The following IDE variants were observed in gnomAD, a reference collection of about 807,000 sequenced individuals.
IDE encodes insulin-degrading enzyme.
IDE carries 58 observed loss-of-function variants against 133.2 expected under a neutral mutation model. The observed-to-expected ratio is 0.44, with a 90% CI of 0.35 to 0.54. IDE has a LOEUF of 0.54. Among genes scored for constraint, IDE ranks in the 20% least tolerant of loss-of-function variants. IDE has a pLI of 0.00. For missense variants in IDE, 981 were observed against 1,234.0 expected, an observed-to-expected ratio of 0.79 and a Z score of 3.07; for synonymous variants, 396 against 421.3, an observed-to-expected ratio of 0.94 and a Z score of 0.73.
intron 10 of IDE, among the ~76,000 whole-genome samples, chr10:92,505,783 G>C (rs1345910161): frequency 6.6e-6 from 1 of 152,200 alleles, no homozygotes; most frequent in East Asian, 1.9e-4. Flanking sequence ...ATAGCAATGG[G>C]GGAGGAATAA....
At chr10:92,474,057 A>G (rs1436411491) in intron 17 of IDE, among the ~76,000 whole-genome samples, 1 of 151,686 alleles carries the variant, frequency 6.6e-6, no homozygotes, top group African/African-American at 2.4e-5. Flanking sequence ...TAGTCTGCAG[A>G]AAAAAAAATT....
intron 12 of IDE, among the ~76,000 whole-genome samples, chr10:92,489,015 T>TA (rs202119290): frequency 0.035 from 5,079 of 145,156 alleles, 133 homozygotes; most frequent in Admixed American, 0.061. Context: ...CCTGTCTATT[T>TA]AAAAAAAAAA....
intron 1 of IDE, among the ~76,000 whole-genome samples, chr10:92,550,508 G>A (rs945179786): frequency 8.0e-5 from 12 of 150,860 alleles, no homozygotes; most frequent in African/African-American, 1.4e-4. Context: ...AAAATTAGCC[G>A]GGTGTGGTGG....
chr10:92,568,680 G>C (rs945212971), intron 1 of IDE, among the ~76,000 whole-genome samples: 1 of 152,096 alleles, frequency 6.6e-6, no homozygotes, highest in East Asian at 1.9e-4. Flanking sequence ...GCCGGGCGTG[G>C]TGGCACGCGC....
At chr10:92,481,005 T>A (rs150330555) in intron 14 of IDE, 1 of 487,458 alleles carries the variant, frequency 2.1e-6, no homozygotes, top group East Asian at 1.5e-4. Context: ...CCAAATATTC[T>A]CCAACTGGAA....
rs927895413 is a variant in IDE, at chr10:92,451,853, G to C, written c.*2591C>G. 6.6e-6 allele frequency: 1 copy of C among 152,242 alleles called. No individual in the cohort carries two copies. Among genetic ancestry groups the C allele is most frequent in the Non-Finnish European group, 1.5e-5 (1 of 68,048 alleles). The allele number at this position is 152,242 out of a possible 1,614,324, so 9.4% of individuals were successfully genotyped here. On this transcript the variant is annotated 3_prime_UTR_variant, in exon 25 of 25. Transcript: ENST00000265986. ...AAGATATCTGCCTAAACTGCAGCTG[G>C]AGATGTGGCAAGAAGATGTAAGGAC...
In IDE at chr10:92,507,677, G is replaced by C. The variant is rs759870570; in HGVS notation, c.1154-11C>G. On this transcript the variant is annotated splice_polypyrimidine_tract_variant and intron_variant, in intron 8 of 24. Coordinates refer to ENST00000265986, the MANE Select transcript of IDE (RefSeq NM_004969.4). Reference sequence around the variant, plus strand: ...TATCTTCAACATGTACTGGAAAAAAGGGGCACACTTAAAAACCATTCAGTC... The same window carrying C: ...TATCTTCAACATGTACTGGAAAAAACGGGCACACTTAAAAACCATTCAGTC... 1 of 1,438,386 alleles carries C rather than the reference G, an allele frequency of 7.0e-7. No homozygotes were observed. 89.1% of individuals were successfully genotyped at this position (1,438,386 alleles called of 1,614,324 possible).
rs1022702282 is a variant in IDE at position 92,453,334 on chromosome 10, T to A, written c.*1110A>T. 1 of 152,202 alleles carries A rather than the reference T, an allele frequency of 6.6e-6. No homozygotes were observed. Among genetic ancestry groups the A allele is most frequent in the African/African-American group, 2.4e-5 (1 of 41,466 alleles). The allele number at this position is 152,202 out of a possible 1,614,324, so 9.4% of individuals were successfully genotyped here. A position where few individuals can be genotyped will look rare whatever the true frequency, so the allele number is the denominator to read the frequency against. On this transcript the variant is annotated 3_prime_UTR_variant, in exon 25 of 25. Coordinates refer to ENST00000265986, the MANE Select transcript of IDE (RefSeq NM_004969.4). Reference sequence around the variant, plus strand: ...ACTCCAGTCATCATCTGTGTTTATATGTTTATATTTATATATTCAAAAAAT... The same window carrying A: ...ACTCCAGTCATCATCTGTGTTTATAAGTTTATATTTATATATTCAAAAAAT...
At chr10:92,499,657 C>T (rs909614758) in intron 11 of IDE, among the ~76,000 whole-genome samples, 12 of 152,126 alleles carry the variant, frequency 7.9e-5, no homozygotes, top group African/African-American at 2.7e-4. Context: ...GTCTCGAACT[C>T]CTGAGCTCAA....
At chr10:92,522,883 G>C (rs941561376) in intron 4 of IDE, among the ~76,000 whole-genome samples, 1 of 152,096 alleles carries the variant, frequency 6.6e-6, no homozygotes, top group African/African-American at 2.4e-5. Context: ...AGAAAAAGGA[G>C]GAAGAAAATG....
intron 15 of IDE, chr10:92,478,843 T>A: frequency 9.8e-7 from 1 of 1,015,274 alleles, no homozygotes; most frequent in South Asian, 2.2e-5. Flanking sequence ...AGTGGCATGG[T>A]AATGAAGAAA....
intron 4 of IDE, among the ~76,000 whole-genome samples, chr10:92,521,185 C>A (rs1221075446): frequency 1.3e-5 from 2 of 152,038 alleles, no homozygotes; most frequent in Non-Finnish European, 2.9e-5. Context: ...ATTAGAAAAA[C>A]CAAAATTAGG....
intron 1 of IDE, among the ~76,000 whole-genome samples, chr10:92,541,683 A>G (rs1372873151): frequency 6.6e-6 from 1 of 152,212 alleles, no homozygotes; most frequent in Non-Finnish European, 1.5e-5. Context: ...ATTACAACAT[A>G]TATTTTGTCA....
chr10:92,478,259 T>C (rs773229425), intron 15 of IDE, among the ~76,000 whole-genome samples: 3 of 152,250 alleles, frequency 2.0e-5, no homozygotes, highest in Admixed American at 6.5e-5. Flanking sequence ...AGAAACTTTA[T>C]ACTACTGTCT....
intron 1 of IDE, among the ~76,000 whole-genome samples, chr10:92,556,076 G>A (rs1233851789): frequency 1.3e-5 from 2 of 149,922 alleles, no homozygotes; most frequent in Non-Finnish European, 3.0e-5. Flanking sequence ...GGGAGGCTGA[G>A]GCAGGAGAAT....
At chr10:92,475,309 A>G (rs1308785164) in intron 16 of IDE, among the ~76,000 whole-genome samples, 1 of 152,228 alleles carries the variant, frequency 6.6e-6, no homozygotes, top group Non-Finnish European at 1.5e-5. Flanking sequence ...CAAAGTCTCC[A>G]TAAGCAAGCA....
At chr10:92,483,458 C>T in intron 13 of IDE, 121 bp from the exon 14 acceptor site, 1 of 638,404 alleles carries the variant, frequency 1.6e-6, no homozygotes. Flanking sequence ...TCTGGAGTTG[C>T]TGTCCCATGG....
intron 1 of IDE, among the ~76,000 whole-genome samples, chr10:92,543,836 C>T (rs1272758131): frequency 6.6e-6 from 1 of 152,184 alleles, no homozygotes; most frequent in Non-Finnish European, 1.5e-5. Flanking sequence ...TGTTTTAGAC[C>T]TTGTGCCACA....
intron 2 of IDE, among the ~76,000 whole-genome samples, chr10:92,536,813 G>A (rs952370929): frequency 1.3e-5 from 2 of 152,098 alleles, no homozygotes; most frequent in African/African-American, 4.8e-5. Flanking sequence ...GCCAAGGCAG[G>A]CAGATCACAA....
Sources: allele counts gnomAD v4.1 joint callset (sites outside exome capture counted in the v4.1 genomes callset), GRCh38; gene constraint gnomAD v4.1.1; transcripts MANE v1.5; gene names NCBI Gene and HGNC (gene_info 2026-07-23, HGNC 2026-07-21).